The following CLASP1 variants were observed in gnomAD, a reference collection of about 807,000 sequenced individuals.
CLASP1 encodes cytoplasmic linker associated protein 1, also known as CLIP-associating protein 1.
Under a neutral mutation model 192.3 loss-of-function variants are expected in CLASP1, and 38 were observed. The ratio of observed to expected loss-of-function variants is 0.20; its 90% confidence interval spans 0.15 to 0.26. The LOEUF is 0.26. Ranked by LOEUF, CLASP1 falls within the 10% of genes least tolerant of loss-of-function variation. The pLI is 1.00. For synonymous variants in CLASP1, 691 were observed against 712.8 expected (o/e 0.97, Z 0.49); for missense variants, 1,433 against 1,932.5 (o/e 0.74, Z 4.85).
At chr2:121,451,367 G>A (rs749340280) in intron 15 of CLASP1, among the ~76,000 whole-genome samples, 1 of 152,222 alleles carries the variant, frequency 6.6e-6, no homozygotes, top group Non-Finnish European at 1.5e-5. Context: ...TATGGAAACT[G>A]TGAAATAATC....
chr2:121,478,887 C>CACA (rs2092214826), intron 8 of CLASP1, among the ~76,000 whole-genome samples: 1 of 65,906 alleles, frequency 1.5e-5, no homozygotes. Context: ...CACACACACA[C>CACA]CACACACACA....
intron 34 of CLASP1, among the ~76,000 whole-genome samples, chr2:121,374,556 C>T (rs116143192): frequency 0.012 from 1,771 of 152,314 alleles, 38 homozygotes; most frequent in African/African-American, 0.039. Context: ...CTGGAAAAGC[C>T]GCAGGCACGC....
intron 1 of CLASP1, among the ~76,000 whole-genome samples, chr2:121,620,091 G>A (rs1354167632): frequency 2.6e-5 from 4 of 151,602 alleles, no homozygotes; most frequent in South Asian, 4.2e-4. Flanking sequence ...GAGTGGTGGC[G>A]CATGCCTGTA....
At chr2:121,480,356 C>T (rs1454915262) in intron 8 of CLASP1, among the ~76,000 whole-genome samples, 1 of 152,192 alleles carries the variant, frequency 6.6e-6, no homozygotes, top group Admixed American at 6.5e-5. Flanking sequence ...CTGAGTGCCC[C>T]CTGCAGGTGC....
intron 33 of CLASP1, among the ~76,000 whole-genome samples, chr2:121,378,084 G>A (rs767776517): frequency 4.6e-5 from 7 of 152,166 alleles, no homozygotes; most frequent in East Asian, 1.9e-4. Context: ...AATTTCAAAG[G>A]AGCAAAGTAA....
rs565548358 is a variant in CLASP1, at chr2:121,531,075, T to TGGTTA, written c.196-755_196-751dup. 1.3e-3 allele frequency: 916 copies of TGGTTA among 687,516 alleles called. 14 individuals are homozygous for TGGTTA. The East Asian group carries it at 0.024, about 18-fold the overall frequency. The allele number at this position is 687,516 out of a possible 1,614,324, so 42.6% of individuals were successfully genotyped here. ...AATTCGTAAATAAACTAGTACTTTGTGGTTAAACCAGTAGAGGGTGCACAA... is the reference window on the plus strand; with the variant it reads ...AATTCGTAAATAAACTAGTACTTTGTGGTTAGGTTAAACCAGTAGAGGGTGCACAA... On this transcript the variant is annotated intron_variant, in intron 2 of 39. Coordinates refer to ENST00000263710, the Ensembl canonical transcript of CLASP1.
intron 1 of CLASP1, among the ~76,000 whole-genome samples, chr2:121,647,039 C>CAAA (rs36066876): frequency 2.8e-5 from 2 of 71,744 alleles, no homozygotes; most frequent in Non-Finnish European, 3.1e-5. Context: ...GACTCCATCT[C>CAAA]AAAAAAAAAA....
intron 37 of CLASP1, among the ~76,000 whole-genome samples, chr2:121,349,672 G>T (rs1046423709): frequency 6.6e-6 from 1 of 152,216 alleles, no homozygotes; most frequent in Non-Finnish European, 1.5e-5. Flanking sequence ...CTTCTGGAAA[G>T]TTGCTTTTCT....
At chr2:121,406,928 G>A (rs2076993481) in intron 25 of CLASP1, among the ~76,000 whole-genome samples, 1 of 151,996 alleles carries the variant, frequency 6.6e-6, no homozygotes, top group Non-Finnish European at 1.5e-5. Flanking sequence ...TAGAATACTT[G>A]CCAGATGGGC....
chr2:121,365,382 C>T, intron 35 of CLASP1, 98 bp from the exon 37 acceptor site: 1 of 1,137,400 alleles, frequency 8.8e-7, no homozygotes, highest in Non-Finnish European at 1.3e-6. Context: ...CCTGCCTCCT[C>T]TCCCAGAGGC....
In CLASP1 at chr2:121,513,987, T is replaced by A. The variant is rs552263974; in HGVS notation, c.644+1678A>T. On this transcript the variant is annotated intron_variant, in intron 7 of 39. Transcript: ENST00000263710. ...CAGTGAGCCACTCTTATTCCACTTG[T>A]TGGGAATGGTGGGGGCCCTCCCCAA... 3.3e-5 allele frequency among the ~76,000 whole-genome samples: 5 copies of A among 152,352 alleles called. No individual in the cohort carries two copies. The South Asian group carries it at 1.0e-3, about 32-fold the overall frequency.
intron 29 of CLASP1, among the ~76,000 whole-genome samples, 162 bp from the exon 31 acceptor site, chr2:121,397,445 G>A (rs17006427): frequency 0.029 from 4,486 of 152,310 alleles, 222 homozygotes; most frequent in African/African-American, 0.1. Context: ...AGAGGAAAAA[G>A]CATGAAATGG....
intron 2 of CLASP1, among the ~76,000 whole-genome samples, chr2:121,561,285 A>G (rs1241438309): frequency 1.3e-5 from 2 of 152,222 alleles, no homozygotes; most frequent in African/African-American, 2.4e-5. Context: ...TTTAGAAACT[A>G]TATCTCCTTA....
intron 2 of CLASP1, among the ~76,000 whole-genome samples, chr2:121,579,221 T>C (rs2060875315): frequency 6.6e-6 from 1 of 152,182 alleles, no homozygotes; most frequent in South Asian, 2.1e-4. Flanking sequence ...CGTAATTTAC[T>C]ATGAAGAAGA....
At chr2:121,548,097 A>G (rs949850699) in intron 2 of CLASP1, among the ~76,000 whole-genome samples, 1 of 152,246 alleles carries the variant, frequency 6.6e-6, no homozygotes, top group Non-Finnish European at 1.5e-5. Context: ...TAGAATTTAG[A>G]ATATGGATAG....
chr2:121,516,365 G>T (rs1338747660), intron 6 of CLASP1, among the ~76,000 whole-genome samples: 1 of 152,228 alleles, frequency 6.6e-6, no homozygotes, highest in Non-Finnish European at 1.5e-5. Flanking sequence ...GCCATATGAG[G>T]AAGAAACCAC....
chr2:121,425,130 A>C lies in CLASP1; in HGVS notation c.2212+9T>G. 1 of 1,592,806 alleles carries C rather than the reference A, an allele frequency of 6.3e-7. No individual in the cohort carries two copies. Among genetic ancestry groups the C allele is most frequent in the African/African-American group, 1.4e-5 (1 of 73,974 alleles). The stretch of plus-strand genomic sequence containing the variant: ...GGAATGGTATTCCAAGATCTTTGAG[A>C]ATCCTTACCTAATCCTATTCGGTTT... On this transcript the variant is annotated intron_variant, in intron 22 of 39. Transcript: ENST00000263710.
chr2:121,644,814 C>T (rs1453646076), intron 1 of CLASP1, among the ~76,000 whole-genome samples: 2 of 151,792 alleles, frequency 1.3e-5, no homozygotes, highest in East Asian at 3.9e-4. Flanking sequence ...GAAAATTAGC[C>T]AGGTGTGGTG....
chr2:121,430,445 G>C (rs966002221), intron 19 of CLASP1, among the ~76,000 whole-genome samples: 2 of 152,248 alleles, frequency 1.3e-5, no homozygotes, highest in Admixed American at 1.3e-4. Context: ...TTAGGTTCCA[G>C]CTATTTTAGT....
Sources: gnomAD v4.1 joint callset for allele counts (sites outside exome capture counted in the v4.1 genomes callset) on GRCh38, gnomAD v4.1.1 for gene constraint, MANE v1.5 for transcripts, NCBI Gene and HGNC (gene_info 2026-07-23, HGNC 2026-07-21) for gene names.